The following PDE4D variants were observed in gnomAD, a reference collection of about 807,000 sequenced individuals.
PDE4D encodes phosphodiesterase 4D, also known as 3',5'-cyclic-AMP phosphodiesterase 4D.
A neutral mutation model predicts 87.4 loss-of-function variants in PDE4D; 24 were observed. That is an observed-to-expected ratio of 0.27 (90% CI 0.20 to 0.39). The LOEUF (loss-of-function observed/expected upper bound fraction) is 0.39, where lower values mean the gene tolerates loss of function less well. Ranked by LOEUF, PDE4D falls within the 10% of genes least tolerant of loss-of-function variation. PDE4D has a pLI of 1.00. For missense variants in PDE4D, 714 were observed against 1,041.0 expected, an observed-to-expected ratio of 0.69 and a Z score of 4.32; for synonymous variants, 384 against 383.2, an observed-to-expected ratio of 1.00 and a Z score of -0.02.
At chr5:59,988,353 C>CTT in intron 3 of PDE4D, 7 of 456,882 alleles carry the variant, frequency 1.5e-5, no homozygotes, top group South Asian at 7.7e-5. Context: ...GAAATTCATC[C>CTT]TTTTTTTTTT....
At chr5:59,887,498 C>T (rs1405102897) in intron 1 of PDE4D, among the ~76,000 whole-genome samples, 1 of 152,166 alleles carries the variant, frequency 6.6e-6, no homozygotes, top group East Asian at 1.9e-4. Context: ...AAGTTATAGA[C>T]TCACATATTG....
At chr5:60,236,267 T>C (rs187822100) in intron 1 of PDE4D, among the ~76,000 whole-genome samples, 5 of 152,060 alleles carry the variant, frequency 3.3e-5, no homozygotes, top group Admixed American at 6.6e-5. Flanking sequence ...TTAAAAACTT[T>C]TGTTTTGTGA....
intron 2 of PDE4D, among the ~76,000 whole-genome samples, chr5:60,037,237 T>C (rs1419825655): frequency 6.6e-6 from 1 of 152,180 alleles, no homozygotes; most frequent in African/African-American, 2.4e-5. Flanking sequence ...TGCAATACAA[T>C]ATGTTAAAAT....
intron 1 of PDE4D, among the ~76,000 whole-genome samples, chr5:60,286,797 G>A (rs1365251127): frequency 6.6e-6 from 1 of 152,122 alleles, no homozygotes; most frequent in Non-Finnish European, 1.5e-5. Context: ...GTGAAATTGG[G>A]GTGAAAGGTG....
intron 1 of PDE4D, among the ~76,000 whole-genome samples, chr5:59,300,237 G>A (rs905717877): frequency 4.0e-5 from 6 of 150,354 alleles, no homozygotes; most frequent in African/African-American, 1.5e-4. Context: ...TAGATCAGAT[G>A]TTGGCAAATG....
intron 1 of PDE4D, among the ~76,000 whole-genome samples, chr5:59,223,469 T>C (rs1275481684): frequency 6.6e-6 from 1 of 152,154 alleles, no homozygotes; most frequent in African/African-American, 2.4e-5. Context: ...CTCATTTTGA[T>C]GCTTTGCCCT....
At chr5:59,056,606 C>G (rs145931069) in intron 5 of PDE4D, among the ~76,000 whole-genome samples, 1,925 of 152,188 alleles carry the variant, frequency 0.013, 21 homozygotes, top group South Asian at 0.057. Flanking sequence ...CTTGCTCCCC[C>G]AACCCCCACC....
chr5:59,926,373 G>A (rs1298753974), intron 3 of PDE4D, among the ~76,000 whole-genome samples: 1 of 151,852 alleles, frequency 6.6e-6, no homozygotes, highest in African/African-American at 2.4e-5. Flanking sequence ...AGTAATAAGA[G>A]GGCAGTTTAT....
At chr5:59,637,113 A>T (rs1409126970) in intron 1 of PDE4D, among the ~76,000 whole-genome samples, 1 of 152,248 alleles carries the variant, frequency 6.6e-6, no homozygotes, top group African/African-American at 2.4e-5. Context: ...TCAAAAGAAG[A>T]CATTTATGCA....
intron 5 of PDE4D, among the ~76,000 whole-genome samples, chr5:59,102,963 A>G (rs1406307769): frequency 6.6e-6 from 1 of 152,204 alleles, no homozygotes; most frequent in Non-Finnish European, 1.5e-5. Context: ...AATGCAGGAA[A>G]GCCCTTTAAA....
chr5:59,500,103 G>A (rs993876402), intron 1 of PDE4D, among the ~76,000 whole-genome samples: 1 of 152,032 alleles, frequency 6.6e-6, no homozygotes, highest in Non-Finnish European at 1.5e-5. Flanking sequence ...AAATCAAAAA[G>A]TAACAGATGT....
chr5:60,252,140 T>G (rs1194786291), intron 1 of PDE4D, among the ~76,000 whole-genome samples: 2 of 151,912 alleles, frequency 1.3e-5, no homozygotes, highest in Non-Finnish European at 2.9e-5. Context: ...CTAAGTACAC[T>G]CTACAATGTT....
Position 59,893,685 on chromosome 5 carries a change from T to C in PDE4D, c.-63A>G, listed in dbSNP as rs955362219. 67 of 1,394,906 alleles carry C rather than the reference T, an allele frequency of 4.8e-5. No homozygotes were observed. The African/African-American group carries it at 7.7e-4, about 16-fold the overall frequency. 86.4% of individuals were successfully genotyped at this position (1,394,906 alleles called of 1,614,324 possible). ...GTTCACCGCGCTGGCCCGAGCGCCTTCCTGATGCTGCTGCTGCTGCTGCCG... is the reference window on the plus strand; with the variant it reads ...GTTCACCGCGCTGGCCCGAGCGCCTCCCTGATGCTGCTGCTGCTGCTGCCG... On this transcript the variant is annotated 5_prime_UTR_variant, in exon 1 of 15. Transcript: ENST00000340635.
intron 7 of PDE4D, 147 bp from the exon 8 acceptor site, chr5:58,992,151 T>G (rs544274186): frequency 3.0e-5 from 14 of 468,544 alleles, no homozygotes; most frequent in African/African-American, 2.8e-4. Context: ...GTTCAGTATT[T>G]ACATTTGAAT....
chr5:60,084,138 C>T (rs1774274132), intron 2 of PDE4D, among the ~76,000 whole-genome samples: 1 of 152,034 alleles, frequency 6.6e-6, no homozygotes, highest in Non-Finnish European at 1.5e-5. Flanking sequence ...TGGTAATATG[C>T]TAAGCAAAAT....
chr5:60,016,106 A>C (rs1765493370), intron 2 of PDE4D, among the ~76,000 whole-genome samples: 2 of 152,024 alleles, frequency 1.3e-5, no homozygotes, highest in Non-Finnish European at 1.5e-5. Flanking sequence ...CATACCTCAA[A>C]GATATAGCAG....
intron 3 of PDE4D, among the ~76,000 whole-genome samples, chr5:59,899,436 C>CAT (rs147231987): frequency 0.02 from 3,018 of 150,922 alleles, 41 homozygotes; most frequent in South Asian, 0.03. Context: ...CACCTAAGCA[C>CAT]ATATATATAT....
At chr5:59,734,098 C>T (rs1440209089) in intron 1 of PDE4D, among the ~76,000 whole-genome samples, 1 of 152,008 alleles carries the variant, frequency 6.6e-6, no homozygotes, top group Non-Finnish European at 1.5e-5. Flanking sequence ...GAAACAGATA[C>T]AGGGCTATAA....
chr5:60,010,239 C>A (rs976807908), intron 2 of PDE4D, among the ~76,000 whole-genome samples: 1 of 152,090 alleles, frequency 6.6e-6, no homozygotes, highest in African/African-American at 2.4e-5. Context: ...TATGTCTACT[C>A]ATTTGTAGAA....
Sources: gnomAD v4.1 joint callset for allele counts (sites outside exome capture counted in the v4.1 genomes callset) on GRCh38, gnomAD v4.1.1 for gene constraint, MANE v1.5 for transcripts, NCBI Gene and HGNC (gene_info 2026-07-23, HGNC 2026-07-21) for gene names.